The following NLGN1 variants were observed in gnomAD, a reference collection of about 807,000 sequenced individuals.
The protein encoded by NLGN1 is neuroligin 1.
NLGN1 carries 12 observed loss-of-function variants against 65.5 expected under a neutral mutation model. The observed-to-expected ratio is 0.18, with a 90% confidence interval of 0.12 to 0.30. NLGN1 has a LOEUF of 0.30. NLGN1 is among the 10% of genes least tolerant of loss of function. The pLI, the probability that NLGN1 is intolerant of heterozygous loss-of-function variation, is 1.00. For synonymous variants in NLGN1, 350 were observed against 359.5 expected (o/e 0.97, Z 0.30); for missense variants, 750 against 1,007.1 (o/e 0.74, Z 3.46).
chr3:174,010,229 G>A (rs188915290), intron 4 of NLGN1, among the ~76,000 whole-genome samples: 50 of 152,294 alleles, frequency 3.3e-4, no homozygotes, highest in Admixed American at 2.7e-3. Flanking sequence ...AGTCTCTGAA[G>A]CTCAAATGAG....
chr3:173,974,483 G>C (rs778304909), intron 4 of NLGN1, among the ~76,000 whole-genome samples: 7 of 151,762 alleles, frequency 4.6e-5, no homozygotes, highest in African/African-American at 1.7e-4. Context: ...ATTGAGAAAA[G>C]GTAAAACAGT....
rs115937594 is a variant in NLGN1 at position 173,913,220 on chromosome 3, T to C, written c.646+105388T>C. On this transcript the variant is annotated intron_variant, in intron 4 of 6. Transcript: ENST00000457714. Reference sequence around the variant, plus strand: ...ATCCATGTGTGGAAGGATTCTAAATTACACACCAAAGAAAGAGTAAGTGGA... The same window carrying C: ...ATCCATGTGTGGAAGGATTCTAAATCACACACCAAAGAAAGAGTAAGTGGA... 7.7e-3 allele frequency among the ~76,000 whole-genome samples: 1,171 copies of C among 152,274 alleles called. 10 individuals are homozygous for C. The highest frequency in any genetic ancestry group is 0.026 in the African/African-American group (1,099 of 41,552).
chr3:173,660,738 A>G (rs1267278854), intron 3 of NLGN1, among the ~76,000 whole-genome samples: 3 of 151,968 alleles, frequency 2.0e-5, no homozygotes, highest in African/African-American at 4.8e-5. Flanking sequence ...GTATAAAATG[A>G]AAAAAATGAG....
At chr3:174,039,983 T>A (rs1731933829) in intron 4 of NLGN1, among the ~76,000 whole-genome samples, 1 of 152,138 alleles carries the variant, frequency 6.6e-6, no homozygotes, top group Non-Finnish European at 1.5e-5. Context: ...CCTCTGATGC[T>A]CCAACCACCT....
chr3:173,907,681 T>C (rs1267029191), intron 4 of NLGN1, among the ~76,000 whole-genome samples: 2 of 149,908 alleles, frequency 1.3e-5, no homozygotes, highest in African/African-American at 4.9e-5. Flanking sequence ...GCCTCCCAGG[T>C]TCAAGCGATT....
chr3:174,003,545 A>G (rs1223170744), intron 4 of NLGN1, among the ~76,000 whole-genome samples: 1 of 152,184 alleles, frequency 6.6e-6, no homozygotes, highest in Non-Finnish European at 1.5e-5. Flanking sequence ...TTCATATTCT[A>G]AATCCTGCTT....
intron 4 of NLGN1, among the ~76,000 whole-genome samples, chr3:173,905,072 C>A (rs752288968): frequency 6.6e-6 from 1 of 152,132 alleles, no homozygotes; most frequent in Non-Finnish European, 1.5e-5. Flanking sequence ...TGACAAAATT[C>A]TGGCTACCCG....
chr3:173,533,419 T>C (rs1736913345), intron 2 of NLGN1, among the ~76,000 whole-genome samples: 2 of 152,000 alleles, frequency 1.3e-5, no homozygotes, highest in Admixed American at 1.3e-4. Flanking sequence ...ACACAGAAAA[T>C]AATTGAGTTA....
intron 3 of NLGN1, among the ~76,000 whole-genome samples, chr3:173,650,752 A>G (rs757020168): frequency 1.3e-5 from 2 of 152,150 alleles, no homozygotes; most frequent in East Asian, 1.9e-4. Flanking sequence ...TACCTTTACT[A>G]TACACGAAGT....
chr3:173,883,010 A>G (rs180929585), intron 4 of NLGN1, among the ~76,000 whole-genome samples: 79 of 129,804 alleles, frequency 6.1e-4, no homozygotes, highest in Non-Finnish European at 3.0e-4. Flanking sequence ...TCACTTACTG[A>G]TATTTGTGTG....
chr3:173,832,337 C>T (rs866492320), intron 4 of NLGN1, among the ~76,000 whole-genome samples: 3 of 152,178 alleles, frequency 2.0e-5, no homozygotes, highest in African/African-American at 4.8e-5. Context: ...TCTTCCAATG[C>T]GTATCTACTA....
chr3:174,141,145 G>A (rs2152688825), intron 4 of NLGN1, among the ~76,000 whole-genome samples: 1 of 151,974 alleles, frequency 6.6e-6, no homozygotes, highest in South Asian at 2.1e-4. Context: ...GCTTTTCCAT[G>A]CCATTTAAGT....
intron 4 of NLGN1, among the ~76,000 whole-genome samples, chr3:174,211,076 TG>T (rs1268919673): frequency 6.6e-6 from 1 of 152,164 alleles, no homozygotes; most frequent in Non-Finnish European, 1.5e-5. Flanking sequence ...GGTGGGTTCG[TG>T]GTCTCGCTCG....
At chr3:173,903,218 G>T (rs1737712834) in intron 4 of NLGN1, among the ~76,000 whole-genome samples, 1 of 152,068 alleles carries the variant, frequency 6.6e-6, no homozygotes, top group African/African-American at 2.4e-5. Flanking sequence ...GATCAGATCG[G>T]CAGTAATCCA....
intron 3 of NLGN1, among the ~76,000 whole-genome samples, chr3:173,672,169 G>A (rs957574849): frequency 2.6e-5 from 4 of 152,058 alleles, no homozygotes; most frequent in Admixed American, 2.0e-4. Flanking sequence ...GCGAGACTCC[G>A]TCTCAAAAAT....
intron 4 of NLGN1, among the ~76,000 whole-genome samples, chr3:173,962,192 A>G (rs1450128546): frequency 2.6e-5 from 4 of 152,150 alleles, no homozygotes; most frequent in Non-Finnish European, 1.5e-5. Context: ...AAAAGTTGGC[A>G]GGATTTCCTT....
intron 4 of NLGN1, among the ~76,000 whole-genome samples, chr3:174,036,584 G>GTTTTTTTTTT (rs34399860): frequency 7.1e-6 from 1 of 141,690 alleles, no homozygotes; most frequent in Non-Finnish European, 1.5e-5. Context: ...GTTTTTTGTT[G>GTTTTTTTTTT]TTTTTTTTTT....
intron 4 of NLGN1, among the ~76,000 whole-genome samples, chr3:173,938,724 A>T (rs1278728816): frequency 6.6e-6 from 1 of 152,188 alleles, no homozygotes; most frequent in Non-Finnish European, 1.5e-5. Context: ...CCTCCAGATT[A>T]GAGGAGGCCC....
intron 4 of NLGN1, among the ~76,000 whole-genome samples, chr3:173,961,029 T>C (rs1713428328): frequency 6.6e-6 from 1 of 152,126 alleles, no homozygotes; most frequent in South Asian, 2.1e-4. Flanking sequence ...TTCTTGTTAG[T>C]CATTCTTTAG....
Sources: allele counts gnomAD v4.1 joint callset (sites outside exome capture counted in the v4.1 genomes callset), GRCh38; gene constraint gnomAD v4.1.1; transcripts MANE v1.5; gene names NCBI Gene and HGNC (gene_info 2026-07-23, HGNC 2026-07-21).